The following RPAP1 variants were observed in gnomAD, a reference collection of about 807,000 sequenced individuals.
RPAP1 encodes the protein RNA polymerase II-associated protein 1.
A neutral mutation model predicts 142.4 loss-of-function variants in RPAP1; 109 were observed. The ratio of observed to expected loss-of-function variants is 0.77; its 90% CI spans 0.66 to 0.90. The LOEUF is 0.90. RPAP1 is among the 40% of genes least tolerant of loss of function. RPAP1 has a pLI of 0.00. For synonymous variants in RPAP1, 704 were observed against 738.9 expected (o/e 0.95, Z 0.77); for missense variants, 1,546 against 1,751.7 (o/e 0.88, Z 2.10).
At position 41,520,391 on chromosome 15, in the gene RPAP1, C is replaced by G; in HGVS notation, c.3795G>C (p.Gln1265His). Residue 1265 changes from glutamine (Q) to histidine (H), a missense_variant and splice_region_variant, in exon 22 of 25, where the codon CAG becomes CAC. Physicochemically the swap from Gln to His is conservative, Grantham distance 24. Transcript: ENST00000304330. ...AGGTCCTGCTGGGCTGAGAAAGTACCTGGGTCAGAGGCAGGCTCAGAGCTC... is the reference window on the plus strand; with the variant it reads ...AGGTCCTGCTGGGCTGAGAAAGTACGTGGGTCAGAGGCAGGCTCAGAGCTC... ...ALRALSLPLT[Q>H]LPVSLECYTV... The G allele has an allele frequency of 1.2e-6, 2 of 1,613,486 alleles. No homozygotes were observed. Among genetic ancestry groups the G allele is most frequent in the Non-Finnish European group, 1.7e-6 (2 of 1,179,688 alleles).
At chr15:41,530,182 C>T (rs905715893) in intron 7 of RPAP1, among the ~76,000 whole-genome samples, 2 of 152,124 alleles carry the variant, frequency 1.3e-5, no homozygotes, top group African/African-American at 4.8e-5. Flanking sequence ...AGACACACTC[C>T]ATCCTGGGCT....
intron 1 of RPAP1, among the ~76,000 whole-genome samples, chr15:41,537,670 C>T (rs1271979655): frequency 1.3e-5 from 2 of 151,636 alleles, no homozygotes; most frequent in African/African-American, 2.4e-5. Flanking sequence ...TCACCTGAGG[C>T]CAGGAGTTCA....
intron 1 of RPAP1, among the ~76,000 whole-genome samples, chr15:41,543,160 T>C (rs894447355): frequency 1.3e-5 from 2 of 150,616 alleles, no homozygotes; most frequent in Non-Finnish European, 2.9e-5. Context: ...ACTTACTAAA[T>C]GCACTAAATG....
chr15:41,524,077 G>A lies in RPAP1; in HGVS notation c.2234+19C>T, dbSNP rs377361732. 6 of 1,591,912 alleles carry A rather than the reference G, an allele frequency of 3.8e-6. No individual in the cohort carries two copies. Among genetic ancestry groups the A allele is most frequent in the Non-Finnish European group, 4.3e-6 (5 of 1,165,852 alleles). On this transcript the variant is annotated intron_variant, in intron 16 of 24. Coordinates refer to ENST00000304330, the MANE Select transcript of RPAP1 (RefSeq NM_015540.4). ...GGAGGAGCCCTCCACCTGTCCTGTGGGTCCTGGCTATAAACTACCTGATGG... is the reference window on the plus strand; with the variant it reads ...GGAGGAGCCCTCCACCTGTCCTGTGAGTCCTGGCTATAAACTACCTGATGG...
At chr15:41,530,031 A>G (rs2051832813) in intron 7 of RPAP1, 52 bp from the exon 8 acceptor site, 2 of 1,441,342 alleles carry the variant, frequency 1.4e-6, no homozygotes, top group Non-Finnish European at 1.9e-6. Flanking sequence ...CTCACTATCC[A>G]CAGGGGTCCC....
intron 24 of RPAP1, 24 bp downstream of exon 24, chr15:41,517,774 C>A: frequency 6.2e-7 from 1 of 1,614,166 alleles, no homozygotes; most frequent in East Asian, 2.2e-5. Context: ...TAATATCCCA[C>A]CCTCCTAATG....
chr15:41,517,673 G>A lies in RPAP1; in HGVS notation c.4051C>T (p.Leu1351=). 1 of 1,612,924 alleles carries A rather than the reference G, an allele frequency of 6.2e-7. No individual in the cohort carries two copies. Among genetic ancestry groups the A allele is most frequent in the African/African-American group, 1.3e-5 (1 of 75,000 alleles). ...GTGGAATTGGGAAGCTTATAGTGCAGGAGGTGCTGCCGGAGACCCTGCAGA... is the reference window on the plus strand; with the variant it reads ...GTGGAATTGGGAAGCTTATAGTGCAAGAGGTGCTGCCGGAGACCCTGCAGA... The part of the protein sequence containing the change: ...LADEGLRQHL[L]HYKLPNSTLP... The change falls in exon 25 of 25, where the codon CTG becomes TTG. Residue 1351 remains leucine (L), a synonymous_variant. Coordinates refer to ENST00000304330, the MANE Select transcript of RPAP1 (RefSeq NM_015540.4).
intron 1 of RPAP1, among the ~76,000 whole-genome samples, chr15:41,539,288 T>C (rs925372038): frequency 4.4e-4 from 65 of 148,564 alleles, no homozygotes; most frequent in African/African-American, 1.6e-3. Flanking sequence ...TGTTTTTTTT[T>C]TTGTTTTTTG....
Position 41,536,932 on chromosome 15 carries a change from C to T in RPAP1, c.181+13G>A, listed in dbSNP as rs113671565. ...CCTCTCTACTTCTCAGCCTCACATC[C>T]ATGGGAACTCACTGTCCAACATCAC... is the stretch of plus-strand genomic sequence containing the variant. On this transcript the variant is annotated intron_variant, in intron 2 of 24. Transcript: ENST00000304330. 1,256 of 1,611,562 alleles carry T rather than the reference C, an allele frequency of 7.8e-4. 10 individuals are homozygous for T. The African/African-American group carries it at 0.015, about 19-fold the overall frequency.
chr15:41,538,071 G>A lies in RPAP1; in HGVS notation c.-76-870C>T, dbSNP rs1236354846. 2.6e-5 allele frequency among the ~76,000 whole-genome samples: 4 copies of A among 151,826 alleles called. No individual in the cohort carries two copies. The South Asian group carries it at 6.2e-4, about 24-fold the overall frequency. ...ATCCTGGTTAACACGGTGAAACCCC[G>A]TCTCTACTAAAAATATAAAAAACTA... On this transcript the variant is annotated intron_variant, in intron 1 of 24. Transcript: ENST00000304330.
chr15:41,535,893 G>T (rs1352342486), intron 4 of RPAP1, among the ~76,000 whole-genome samples: 1 of 152,098 alleles, frequency 6.6e-6, no homozygotes, highest in Non-Finnish European at 1.5e-5. Flanking sequence ...TGGGGTCTCA[G>T]TTTCCTCATA....
intron 14 of RPAP1, among the ~76,000 whole-genome samples, chr15:41,525,744 C>A (rs1423042306): frequency 1.3e-5 from 2 of 151,738 alleles, no homozygotes; most frequent in African/African-American, 4.8e-5. Context: ...AATCTCTGCC[C>A]CTCCAGGTTT....
chr15:41,523,225 C>A lies in RPAP1; in HGVS notation c.2546+20G>T. The stretch of plus-strand genomic sequence containing the variant: ...TTGCCTCCTCCCCTGCTTCCCCCAG[C>A]TACCAAACACAGTACATACCTAAGG... On this transcript the variant is annotated intron_variant, in intron 18 of 24. Transcript: ENST00000304330. The A allele has an allele frequency of 1.4e-6, 2 of 1,477,120 alleles. No individual in the cohort carries two copies. Among genetic ancestry groups the A allele is most frequent in the Non-Finnish European group, 9.2e-7 (1 of 1,089,650 alleles). The allele number at this position is 1,477,120 out of a possible 1,614,324, so 91.5% of individuals were successfully genotyped here. A position where few individuals can be genotyped will look rare whatever the true frequency, so the allele number is the denominator to read the frequency against.
chr15:41,518,025 G>C lies in RPAP1; in HGVS notation c.3953C>G (p.Ser1318Cys). ...ACTTACTGAGCTCTGTGGGTCCTGA[G>C]AGAAGATGAAGCTATTGACATGAGC... is the stretch of plus-strand genomic sequence containing the variant. The part of the protein sequence containing the change: ...AVAHVNSFIF[S>C]QDPQSSDEVK... Residue 1318 changes from serine to cysteine, a missense_variant, in exon 23 of 25, where the codon TCT becomes TGT. Ser to Cys is a moderately radical substitution (Grantham distance 112, BLOSUM62 -1). Coordinates refer to ENST00000304330, the MANE Select transcript of RPAP1 (RefSeq NM_015540.4). 1 of 1,614,110 alleles carries C rather than the reference G, an allele frequency of 6.2e-7. No individual in the cohort carries two copies. Among genetic ancestry groups the C allele is most frequent in the Non-Finnish European group, 8.5e-7 (1 of 1,179,994 alleles).
chr15:41,535,743 T>C lies in RPAP1; in HGVS notation c.421-111A>G, dbSNP rs756836477. On this transcript the variant is annotated intron_variant, in intron 4 of 24. Coordinates refer to ENST00000304330, the MANE Select transcript of RPAP1 (RefSeq NM_015540.4). ...AAGAGATAAAAGGGGATTTGCTCAA[T>C]TTCCAGGGATCACAACCCTAGTTCT... 2.4e-5 allele frequency: 35 copies of C among 1,441,472 alleles called. 1 individual carries two copies. Among genetic ancestry groups the C allele is most frequent in the Admixed American group, 4.6e-5 (2 of 43,410 alleles). The allele number at this position is 1,441,472 out of a possible 1,614,324, so 89.3% of individuals were successfully genotyped here.
Position 41,518,127 on chromosome 15 carries a change from A to G in RPAP1, c.3851T>C (p.Leu1284Pro). ...TVPPEDNLALLQLYFRTLVTG... is the reference protein window; with the variant it reads ...TVPPEDNLALPQLYFRTLVTG... ...AACCAGGGTCCGGAAGTAGAGCTGA[A>G]GGAGGGCCAGGTTGTCTTCAGGAGG... The change falls in exon 23 of 25, where the codon CTT becomes CCT. Residue 1284 changes from leucine to proline, a missense_variant. This residue lies in a region of RPAP1 where 210 missense variants were observed against 248.0 expected (regional missense o/e 0.85). Transcript: ENST00000304330. 6.2e-7 allele frequency: 1 copy of G among 1,600,594 alleles called. No homozygotes were observed. The highest frequency in any genetic ancestry group is 8.5e-7 in the Non-Finnish European group (1 of 1,176,174).
At chr15:41,539,279 GTTTTT>G (rs758427701) in intron 1 of RPAP1, among the ~76,000 whole-genome samples, 1 of 142,178 alleles carries the variant, frequency 7.0e-6, no homozygotes, top group African/African-American at 2.6e-5. Flanking sequence ...GCTAATTTTT[GTTTTT>G]TTTTTTGTTT....
chr15:41,523,933 T>C lies in RPAP1; in HGVS notation c.2274A>G (p.Leu758=). 1 of 1,610,568 alleles carries C rather than the reference T, an allele frequency of 6.2e-7. No individual in the cohort carries two copies. The highest frequency in any genetic ancestry group is 8.5e-7 in the Non-Finnish European group (1 of 1,178,382). The part of the protein sequence containing the change: ...AEASLSATPS[L]VTWTQVSGLQ... ...GCCCAGACACCTGTGTCCAAGTGAC[T>C]AAGGAAGGGGTGGCCGAGAGGCTGG... Residue 758 remains leucine (L), a synonymous_variant, in exon 17 of 25, where the codon TTA becomes TTG. Coordinates refer to ENST00000304330, the MANE Select transcript of RPAP1 (RefSeq NM_015540.4).
At chr15:41,526,151 T>C (rs1037869307) in intron 14 of RPAP1, among the ~76,000 whole-genome samples, 1 of 152,154 alleles carries the variant, frequency 6.6e-6, no homozygotes, top group African/African-American at 2.4e-5. Flanking sequence ...GGTTTTGCCA[T>C]ATTGGCCAGG....
Sources: allele counts gnomAD v4.1 joint callset (sites outside exome capture counted in the v4.1 genomes callset), GRCh38; gene constraint gnomAD v4.1.1; regional missense constraint gnomAD v4.1.1; transcripts MANE v1.5; gene names NCBI Gene and HGNC (gene_info 2026-07-23, HGNC 2026-07-21).